LRRIQ1: variants seen among roughly 807,000 people sequenced by gnomAD.
The protein encoded by LRRIQ1 is leucine rich repeats and IQ motif containing 1, also known as leucine-rich repeat- and IQ domain-containing protein 1.
A neutral mutation model predicts 211.9 loss-of-function variants in LRRIQ1; 210 were observed. The ratio of observed to expected loss-of-function variants is 0.99; its 90% CI spans 0.89 to 1.11. The LOEUF (loss-of-function observed/expected upper bound fraction) is 1.11, where lower values mean the gene tolerates loss of function less well. Among genes scored for constraint, LRRIQ1 ranks in the 50% most tolerant of loss-of-function variants. The pLI is 0.00. For synonymous variants in LRRIQ1, 699 were observed against 650.1 expected (o/e 1.08, Z -1.14); for missense variants, 2,136 against 1,939.5 (o/e 1.10, Z -1.90).
In LRRIQ1 at chr12:85,073,091, C is replaced by T; in HGVS notation, c.2880C>T (p.Tyr960=). ...GTAATTTCCTTATCTCCCACTTATA[C>T]TGGAATTGTAAGTTGTGTTTATTTT... The part of the protein sequence containing the change: ...SDCNFLISHL[Y]WNCGLESLKN... The change falls in exon 11 of 27, where the codon TAC becomes TAT. Residue 960 remains tyrosine (Y), a synonymous_variant. Transcript: ENST00000393217. 5 of 1,592,142 alleles carry T rather than the reference C, an allele frequency of 3.1e-6. No homozygotes were observed. The highest frequency in any genetic ancestry group is 4.3e-6 in the Non-Finnish European group (5 of 1,164,406).
Position 85,124,214 on chromosome 12 carries a change from T to C in LRRIQ1, c.3702T>C (p.His1234=), listed in dbSNP as rs1888194687. The C allele has an allele frequency of 6.2e-6, 10 of 1,614,008 alleles. No individual in the cohort carries two copies. The highest frequency in any genetic ancestry group is 8.5e-6 in the Non-Finnish European group (10 of 1,179,972). ...ATGAATCAGAAGCCCAGAAAAATCA[T>C]TTGGCCCCTACAAACAGTGACAGCA... ...KKDESEAQKN[H]LAPTNSDSTL... The change falls in exon 17 of 27, where the codon CAT becomes CAC. Residue 1234 remains histidine, a synonymous_variant. Coordinates refer to ENST00000393217, the MANE Select transcript of LRRIQ1 (RefSeq NM_001079910.2).
chr12:85,049,791 TG>T (rs1193607511), intron 6 of LRRIQ1, among the ~76,000 whole-genome samples: 1 of 152,174 alleles, frequency 6.6e-6, no homozygotes, highest in African/African-American at 2.4e-5. Flanking sequence ...AGATAACCAA[TG>T]ACTTCTATAT....
Position 85,127,889 on chromosome 12 carries a change from T to C in LRRIQ1, c.4065T>C (p.Thr1355=), listed in dbSNP as rs1888485278. 2 of 1,613,944 alleles carry C rather than the reference T, an allele frequency of 1.2e-6. No homozygotes were observed. The highest frequency in any genetic ancestry group is 1.3e-5 in the African/African-American group (1 of 74,888). The change falls in exon 18 of 27, where the codon ACT becomes ACC. Residue 1355 remains threonine (T), a synonymous_variant. Coordinates refer to ENST00000393217, the MANE Select transcript of LRRIQ1 (RefSeq NM_001079910.2). ...YWRGYLMRRQ[T]HFSTRLHTAA... is the part of the protein sequence containing the mutation. ...GTGGTTACCTCATGCGCAGACAGAC[T>C]CATTTCTCCACAAGGCTACATACTG...
At chr12:85,225,521 T>C (rs1360470154) in intron 24 of LRRIQ1, among the ~76,000 whole-genome samples, 1 of 152,100 alleles carries the variant, frequency 6.6e-6, no homozygotes, top group East Asian at 1.9e-4. Flanking sequence ...TAATAAAAGG[T>C]CAAAAAATGT....
At chr12:85,235,532 G>A (rs575533419) in intron 26 of LRRIQ1, among the ~76,000 whole-genome samples, 17 of 152,272 alleles carry the variant, frequency 1.1e-4, no homozygotes, top group Middle Eastern at 6.8e-3. Flanking sequence ...AGGACTAGGC[G>A]TTAATAGTCC....
At chr12:85,238,403 C>T (rs1036691669) in intron 26 of LRRIQ1, among the ~76,000 whole-genome samples, 2 of 151,916 alleles carry the variant, frequency 1.3e-5, no homozygotes, top group Non-Finnish European at 2.9e-5. Context: ...ATTTAAAAAG[C>T]TTAACACAAA....
chr12:85,270,848 A>G, the LRRIQ1 span, among the ~76,000 whole-genome samples: 7 of 152,166 alleles, frequency 4.6e-5, no homozygotes, highest in African/African-American at 1.7e-4. Context: ...AGCGAGTGGT[A>G]GAGCTGGACG....
intron 19 of LRRIQ1, among the ~76,000 whole-genome samples, chr12:85,145,035 G>GA (rs1889795109): frequency 6.6e-6 from 1 of 150,452 alleles, no homozygotes; most frequent in African/African-American, 2.4e-5. Context: ...TGATTTAGTT[G>GA]AAAAAAATAG....
intron 11 of LRRIQ1, among the ~76,000 whole-genome samples, chr12:85,094,726 T>C (rs12313287): frequency 0.036 from 5,474 of 152,230 alleles, 329 homozygotes; most frequent in African/African-American, 0.13. Context: ...GTTAATGATG[T>C]TGCTTCCTTT....
In LRRIQ1 at chr12:85,149,664, C is replaced by G. The variant is rs535683612; in HGVS notation, c.4330-2616C>G. Among the ~76,000 whole-genome samples the G allele has an allele frequency of 1.1e-4, 16 of 151,884 alleles. 2 individuals are homozygous for G. The South Asian group carries it at 3.3e-3, about 32-fold the overall frequency. On this transcript the variant is annotated intron_variant, in intron 19 of 26. Transcript: ENST00000393217. Reference sequence around the variant, plus strand: ...TTGAGATTTTATTTCCCTCAGCATACTAGGTAATGCCAAATCTATTTGATA... The same window carrying G: ...TTGAGATTTTATTTCCCTCAGCATAGTAGGTAATGCCAAATCTATTTGATA...
intron 18 of LRRIQ1, among the ~76,000 whole-genome samples, chr12:85,135,315 G>GTT (rs895753971): frequency 1.4e-5 from 2 of 146,572 alleles, no homozygotes; most frequent in Non-Finnish European, 1.5e-5. Flanking sequence ...TCTGATTCAG[G>GTT]TTTTTTTTTT....
At chr12:85,071,411 A>G (rs1883069074) in intron 10 of LRRIQ1, among the ~76,000 whole-genome samples, 1 of 151,976 alleles carries the variant, frequency 6.6e-6, no homozygotes, top group African/African-American at 2.4e-5. Context: ...GTGTGAAATG[A>G]GCAGAGTTTT....
intron 20 of LRRIQ1, 82 bp from the exon 21 acceptor site, chr12:85,152,942 G>T: frequency 2.1e-6 from 2 of 932,614 alleles, no homozygotes; most frequent in African/African-American, 1.7e-5. Flanking sequence ...AGGCTATTTG[G>T]TAATATGCAT....
intron 18 of LRRIQ1, among the ~76,000 whole-genome samples, chr12:85,128,630 A>G (rs1310653111): frequency 1.3e-5 from 2 of 152,162 alleles, no homozygotes; most frequent in African/African-American, 4.8e-5. Flanking sequence ...CTCATCAAGT[A>G]TGTCATTTGT....
chr12:85,226,531 C>CTT (rs540579707), intron 24 of LRRIQ1, among the ~76,000 whole-genome samples: 2 of 136,586 alleles, frequency 1.5e-5, no homozygotes, highest in East Asian at 2.1e-4. Flanking sequence ...TTTCTACTTC[C>CTT]TTTTTTTTTT....
intron 24 of LRRIQ1, among the ~76,000 whole-genome samples, chr12:85,191,016 A>G (rs1452531868): frequency 1.3e-5 from 2 of 151,990 alleles, no homozygotes; most frequent in South Asian, 2.1e-4. Context: ...GTAAAAAACC[A>G]TTTTTTAAAT....
chr12:85,191,465 A>C (rs1265565915), intron 24 of LRRIQ1, among the ~76,000 whole-genome samples: 1 of 151,954 alleles, frequency 6.6e-6, no homozygotes, highest in Non-Finnish European at 1.5e-5. Context: ...ACATGCTTTT[A>C]AGGTTCCTCC....
chr12:85,170,018 G>GA (rs1891331983), intron 24 of LRRIQ1, among the ~76,000 whole-genome samples: 1 of 151,916 alleles, frequency 6.6e-6, no homozygotes, highest in Admixed American at 6.6e-5. Flanking sequence ...ATTTTCTACA[G>GA]AAAAAATAAA....
At chr12:85,267,047 G>A (rs1896434292), downstream of LRRIQ1, among the ~76,000 whole-genome samples, 1 of 152,088 alleles carries the variant, frequency 6.6e-6, no homozygotes, top group Non-Finnish European at 1.5e-5. Context: ...CCTGAATGCA[G>A]CTGCCAGTGA....
Sources: gnomAD v4.1 joint callset for allele counts (sites outside exome capture counted in the v4.1 genomes callset) on GRCh38, gnomAD v4.1.1 for gene constraint, MANE v1.5 for transcripts, NCBI Gene and HGNC (gene_info 2026-07-23, HGNC 2026-07-21) for gene names.